ANKRD62: variants seen among roughly 807,000 people sequenced by gnomAD.
The protein encoded by ANKRD62 is ankyrin repeat domain-containing protein 62.
A neutral mutation model predicts 98.8 loss-of-function variants in ANKRD62; 61 were observed. The ratio of observed to expected loss-of-function variants is 0.62; its 90% CI spans 0.50 to 0.76. ANKRD62 has a LOEUF of 0.76. ANKRD62 is among the 30% of genes least tolerant of loss of function. The pLI is 0.00. For missense variants in ANKRD62, 933 were observed against 1,082.9 expected, an observed-to-expected ratio of 0.86 and a Z score of 1.94; for synonymous variants, 341 against 367.9, an observed-to-expected ratio of 0.93 and a Z score of 0.84.
intron 8 of ANKRD62, among the ~76,000 whole-genome samples, 167 bp from the exon 9 acceptor site, chr18:12,114,920 TA>T (rs920157175): frequency 1.3e-5 from 2 of 151,898 alleles, no homozygotes; most frequent in African/African-American, 2.4e-5. Context: ...TTTCCCCTTG[TA>T]AAAAAAATTG....
intron 13 of ANKRD62, 66 bp downstream of exon 13, chr18:12,126,449 A>G (rs1909896032): frequency 8.1e-7 from 1 of 1,233,486 alleles, no homozygotes; most frequent in South Asian, 1.5e-5. Flanking sequence ...ATATTTGGTT[A>G]TGGCTAAACA....
chr18:12,146,517 C>T, the ANKRD62 span, among the ~76,000 whole-genome samples: 2 of 152,220 alleles, frequency 1.3e-5, no homozygotes, highest in Non-Finnish European at 2.9e-5. Context: ...ACAATCTCGG[C>T]TCACCGCAAC....
chr18:12,097,903 C>A (rs1909216028), intron 5 of ANKRD62, 126 bp downstream of exon 5: 3 of 1,086,946 alleles, frequency 2.8e-6, no homozygotes, highest in Non-Finnish European at 3.9e-6. Flanking sequence ...GTGAGTTAGT[C>A]CACTTCATCA....
In ANKRD62 at chr18:12,128,067, C is replaced by A; in HGVS notation, c.*128C>A. 2 of 501,506 alleles carry A rather than the reference C, an allele frequency of 4.0e-6. No homozygotes were observed. The highest frequency in any genetic ancestry group is 6.1e-6 in the Non-Finnish European group (2 of 329,004). The allele number at this position is 501,506 out of a possible 1,614,324, so 31.1% of individuals were successfully genotyped here. A position where few individuals can be genotyped will look rare whatever the true frequency, so the allele number is the denominator to read the frequency against. On this transcript the variant is annotated 3_prime_UTR_variant, in exon 14 of 14. Coordinates refer to ENST00000587848, the MANE Select transcript of ANKRD62 (RefSeq NM_001277333.2). ...AATACATCCATTTCTCAATCTCTGCCATGTTTTATAATTATAAATATTTTT... is the reference window on the plus strand; with the variant it reads ...AATACATCCATTTCTCAATCTCTGCAATGTTTTATAATTATAAATATTTTT...
At chr18:12,100,486 GTGT>G (rs1440055903) in intron 6 of ANKRD62, among the ~76,000 whole-genome samples, 1 of 152,126 alleles carries the variant, frequency 6.6e-6, no homozygotes, top group Non-Finnish European at 1.5e-5. Context: ...GTTCAAACCT[GTGT>G]TGTTCAGAGA....
rs182651016 is a variant in ANKRD62, at chr18:12,097,845, A to T, written c.752+68A>T. The T allele has an allele frequency of 7.0e-5, 104 of 1,488,294 alleles. No individual in the cohort carries two copies. The East Asian group carries it at 1.9e-3, about 28-fold the overall frequency. 92.2% of individuals were successfully genotyped at this position (1,488,294 alleles called of 1,614,324 possible). A position where few individuals can be genotyped will look rare whatever the true frequency, so the allele number is the denominator to read the frequency against. ...AGTCATTGTAACCATTGCATCTTATATATCAAGTGAGATTTCATAGTTTGG... is the reference window on the plus strand; with the variant it reads ...AGTCATTGTAACCATTGCATCTTATTTATCAAGTGAGATTTCATAGTTTGG... On this transcript the variant is annotated intron_variant, in intron 5 of 13. Coordinates refer to ENST00000587848, the MANE Select transcript of ANKRD62 (RefSeq NM_001277333.2).
rs779671539 is a variant in ANKRD62, at chr18:12,095,529, G to C, written c.426G>C (p.Leu142=). The change falls in exon 3 of 14, where the codon CTG becomes CTC. Residue 142 remains leucine, a synonymous_variant. Coordinates refer to ENST00000587848, the MANE Select transcript of ANKRD62 (RefSeq NM_001277333.2). ...GAGATATGTATGGCAACACTGCTCT[G>C]CACTATGCCATTGATAATGAGAATA... ...NVRDMYGNTA[L]HYAIDNENIS... is the part of the protein sequence containing the mutation. 3.1e-4 allele frequency: 486 copies of C among 1,561,506 alleles called. No individual in the cohort carries two copies. The highest frequency in any genetic ancestry group is 2.7e-3 in the Middle Eastern group (16 of 6,024).
intron 7 of ANKRD62, among the ~76,000 whole-genome samples, chr18:12,105,741 T>A (rs1369987314): frequency 6.6e-6 from 1 of 152,090 alleles, no homozygotes; most frequent in African/African-American, 2.4e-5. Context: ...TGATAGGAGA[T>A]CAGGAAAACA....
intron 7 of ANKRD62, among the ~76,000 whole-genome samples, chr18:12,106,624 T>C (rs544753427): frequency 6.6e-6 from 1 of 152,316 alleles, no homozygotes; most frequent in African/African-American, 2.4e-5. Context: ...TTACACTGTA[T>C]ATCCTCCAGC....
At chr18:12,107,565 T>C in intron 8 of ANKRD62, 98 bp downstream of exon 8, 1 of 979,312 alleles carries the variant, frequency 1.0e-6, no homozygotes, top group Non-Finnish European at 1.4e-6. Context: ...AATTTTATAC[T>C]TTTATGAGGA....
chr18:12,133,990 C>G (rs1910042782), downstream of ANKRD62, among the ~76,000 whole-genome samples: 1 of 152,120 alleles, frequency 6.6e-6, no homozygotes, highest in Non-Finnish European at 1.5e-5. Flanking sequence ...TTTACTCACA[C>G]CCACTATTTT....
chr18:12,139,679 C>G, the ANKRD62 span, among the ~76,000 whole-genome samples: 1 of 151,914 alleles, frequency 6.6e-6, no homozygotes, highest in Non-Finnish European at 1.5e-5. Context: ...TTGGCCCCCA[C>G]TCTCTTCTGG....
chr18:12,145,107 T>G, the ANKRD62 span, among the ~76,000 whole-genome samples: 1 of 151,670 alleles, frequency 6.6e-6, no homozygotes, highest in Non-Finnish European at 1.5e-5. Flanking sequence ...TGCACCATGT[T>G]TTTGTAGAAC....
intron 10 of ANKRD62, among the ~76,000 whole-genome samples, chr18:12,120,535 A>G (rs1278923023): frequency 1.3e-5 from 2 of 152,106 alleles, no homozygotes; most frequent in Non-Finnish European, 2.9e-5. Context: ...TTTAATGTAC[A>G]TTTCTTATAG....
the ANKRD62 span, among the ~76,000 whole-genome samples, chr18:12,137,443 G>A: frequency 1.3e-5 from 2 of 152,098 alleles, no homozygotes; most frequent in Non-Finnish European, 2.9e-5. Context: ...TGCTGGATTC[G>A]GTTTGCCACT....
At chr18:12,154,616 G>A in the ANKRD62 span, among the ~76,000 whole-genome samples, 5 of 152,234 alleles carry the variant, frequency 3.3e-5, no homozygotes, top group Admixed American at 3.3e-4. Flanking sequence ...TCCCATTACT[G>A]TGTACGTACC....
chr18:12,172,402 GGTCCAC>G, the ANKRD62 span, among the ~76,000 whole-genome samples: 1 of 152,172 alleles, frequency 6.6e-6, no homozygotes, highest in Non-Finnish European at 1.5e-5. Flanking sequence ...GTTTGCTGGA[GGTCCAC>G]TCCAGACCCT....
intron 6 of ANKRD62, chr18:12,102,819 G>A (rs1909333452): frequency 1.0e-6 from 1 of 959,172 alleles, no homozygotes; most frequent in Non-Finnish European, 1.3e-6. Flanking sequence ...ACAATATGTA[G>A]TGTTAGTTTA....
chr18:12,106,596 G>A (rs1226920407), intron 7 of ANKRD62, among the ~76,000 whole-genome samples: 1 of 152,116 alleles, frequency 6.6e-6, no homozygotes, highest in African/African-American at 2.4e-5. Flanking sequence ...TGATAATGGG[G>A]CCAAAGTAGA....
Sources: gnomAD v4.1 joint callset for allele counts (sites outside exome capture counted in the v4.1 genomes callset) on GRCh38, gnomAD v4.1.1 for gene constraint, MANE v1.5 for transcripts, NCBI Gene and HGNC (gene_info 2026-07-23, HGNC 2026-07-21) for gene names.